DR1: variants seen among roughly 807,000 people sequenced by gnomAD.
DR1 encodes the protein protein Dr1.
In DR1, 7 loss-of-function variants were observed where a neutral mutation model predicts 19.9. The observed-to-expected ratio is 0.35, with a 90% CI of 0.20 to 0.66. The LOEUF (loss-of-function observed/expected upper bound fraction) is 0.66, where lower values mean the gene tolerates loss of function less well. DR1 is among the 30% of genes least tolerant of loss of function. DR1 has a pLI of 0.66. For synonymous variants in DR1, 76 were observed against 72.5 expected (o/e 1.05, Z -0.24); for missense variants, 98 against 203.7 (o/e 0.48, Z 3.16).
rs1667201950 is a variant in DR1, at chr1:93,368,968, C to G, written c.*8329C>G. 6.6e-6 allele frequency: 1 copy of G among 151,644 alleles called. No individual in the cohort carries two copies. Among genetic ancestry groups the G allele is most frequent in the Non-Finnish European group, 1.5e-5 (1 of 67,880 alleles). The allele number at this position is 151,644 out of a possible 1,614,324, so 9.4% of individuals were successfully genotyped here. On this transcript the variant is annotated 3_prime_UTR_variant, in exon 3 of 3. Transcript: ENST00000370272. ...GGATTGAAAACATTTGGGGAAAAAA[C>G]AAAAAATAACCCAACAATGAAATAG...
rs1666830495 is a variant in DR1 at position 93,346,117 on chromosome 1, A to T, written c.-529A>T. On this transcript the variant is annotated 5_prime_UTR_variant, in exon 1 of 3. It removes an upstream start codon present in the reference 5' UTR. Coordinates refer to ENST00000370272, the MANE Select transcript of DR1 (RefSeq NM_001938.3). ...GGCAGCGGCAGCGGCAGCGGCGGAC[A>T]TGTTGTGAGGCGGCGGCGCGGGTGT... The T allele has an allele frequency of 4.7e-6, 1 of 213,692 alleles. No individual in the cohort carries two copies. Among genetic ancestry groups the T allele is most frequent in the Admixed American group, 6.0e-5 (1 of 16,726 alleles). The allele number at this position is 213,692 out of a possible 1,614,324, so 13.2% of individuals were successfully genotyped here.
chr1:93,346,132 G>C lies in DR1; in HGVS notation c.-514G>C, dbSNP rs975149711. The C allele has an allele frequency of 8.8e-6, 2 of 227,098 alleles. No homozygotes were observed. Among genetic ancestry groups the C allele is most frequent in the East Asian group, 3.3e-4 (2 of 6,084 alleles). The allele number at this position is 227,098 out of a possible 1,614,324, so 14.1% of individuals were successfully genotyped here. ...AGCGGCGGACATGTTGTGAGGCGGC[G>C]GCGCGGGTGTCTGAAGGATGGTTTG... On this transcript the variant is annotated 5_prime_UTR_variant, in exon 1 of 3. Coordinates refer to ENST00000370272, the MANE Select transcript of DR1 (RefSeq NM_001938.3).
At chr1:93,357,700 C>T (rs1667006001) in intron 2 of DR1, among the ~76,000 whole-genome samples, 1 of 151,690 alleles carries the variant, frequency 6.6e-6, no homozygotes, top group Non-Finnish European at 1.5e-5. Flanking sequence ...TTAATGTAGA[C>T]CTCTTCCTTT....
In DR1 at chr1:93,360,794, G is replaced by C. The variant is rs754758914; in HGVS notation, c.*155G>C. On this transcript the variant is annotated 3_prime_UTR_variant, in exon 3 of 3. Coordinates refer to ENST00000370272, the MANE Select transcript of DR1 (RefSeq NM_001938.3). ...TGCTATTAAGTTTCATCTATTGTGT[G>C]CTATACATGTAAAAACTGTCTCTTT... is the stretch of plus-strand genomic sequence containing the variant. 6.5e-6 allele frequency: 5 copies of C among 774,336 alleles called. No homozygotes were observed. The highest frequency in any genetic ancestry group is 9.8e-6 in the Non-Finnish European group (5 of 511,030). The allele number at this position is 774,336 out of a possible 1,614,324, so 48.0% of individuals were successfully genotyped here. A position where few individuals can be genotyped will look rare whatever the true frequency, so the allele number is the denominator to read the frequency against.
intron 2 of DR1, among the ~76,000 whole-genome samples, chr1:93,357,086 T>G (rs1400380724): frequency 6.6e-6 from 1 of 152,206 alleles, no homozygotes. Context: ...GCCGTAAAAG[T>G]AAATATGCTA....
chr1:93,353,808 C>A, intron 1 of DR1, 100 bp from the exon 2 acceptor site: 1 of 893,170 alleles, frequency 1.1e-6, no homozygotes, highest in South Asian at 2.6e-5. Context: ...CAAAACATTC[C>A]CCTCCCCCAA....
intron 2 of DR1, among the ~76,000 whole-genome samples, chr1:93,358,401 C>T (rs916440170): frequency 6.6e-6 from 1 of 152,118 alleles, no homozygotes; most frequent in African/African-American, 2.4e-5. Context: ...CTTTCAGTTC[C>T]TTTGAACAAC....
At position 93,360,702 on chromosome 1, in the gene DR1, A is replaced by G; in HGVS notation, c.*63A>G. On this transcript the variant is annotated 3_prime_UTR_variant, in exon 3 of 3. Coordinates refer to ENST00000370272, the MANE Select transcript of DR1 (RefSeq NM_001938.3). The stretch of plus-strand genomic sequence containing the variant: ...TTTTCCCTGCACAACAAAAACAGTG[A>G]AAGAAATGCTTATCTGTAATTTTGT... 6.5e-7 allele frequency: 1 copy of G among 1,539,368 alleles called. No individual in the cohort carries two copies. The highest frequency in any genetic ancestry group is 1.3e-5 in the South Asian group (1 of 79,700).
Position 93,346,177 on chromosome 1 carries a change from C to A in DR1, c.-469C>A. 1 of 226,598 alleles carries A rather than the reference C, an allele frequency of 4.4e-6. No homozygotes were observed. The highest frequency in any genetic ancestry group is 8.7e-6 in the Non-Finnish European group (1 of 114,782). 14.0% of individuals were successfully genotyped at this position (226,598 alleles called of 1,614,324 possible). A position where few individuals can be genotyped will look rare whatever the true frequency, so the allele number is the denominator to read the frequency against. ...GGTTTGGCCGAGGCGGCGGCAACGG[C>A]TGCTGGCGGCGGCGGCAGCGGCAGC... is the stretch of plus-strand genomic sequence containing the variant. On this transcript the variant is annotated 5_prime_UTR_variant, in exon 1 of 3. In the 5' UTR this introduces an upstream ATG that the reference lacks. Coordinates refer to ENST00000370272, the MANE Select transcript of DR1 (RefSeq NM_001938.3).
chr1:93,360,204 C>T (rs1003191182), intron 2 of DR1, among the ~76,000 whole-genome samples: 9 of 152,074 alleles, frequency 5.9e-5, no homozygotes, highest in African/African-American at 2.2e-4. Flanking sequence ...TTTTCAACTT[C>T]TTCAGTTGAA....
chr1:93,362,856 G>A lies in DR1; in HGVS notation c.*2217G>A, dbSNP rs1204319014. On this transcript the variant is annotated 3_prime_UTR_variant, in exon 3 of 3. Coordinates refer to ENST00000370272, the MANE Select transcript of DR1 (RefSeq NM_001938.3). ...TTTTTTTTTTTTTTTTTTTTTTTTA[G>A]CATTTAAGAGTCACTATTATGTTTT... 34 of 23,088 alleles carry A rather than the reference G, an allele frequency of 1.5e-3. 1 individual carries two copies. Among genetic ancestry groups the A allele is most frequent in the Non-Finnish European group, 2.9e-3 (32 of 10,954 alleles). The allele number at this position is 23,088 out of a possible 1,614,324, so 1.4% of individuals were successfully genotyped here. A position where few individuals can be genotyped will look rare whatever the true frequency, so the allele number is the denominator to read the frequency against.
At position 93,361,045 on chromosome 1, in the gene DR1, G is replaced by C. The variant is rs74104014; in HGVS notation, c.*406G>C. 9.5e-4 allele frequency: 155 copies of C among 163,994 alleles called. 1 individual carries two copies. Among genetic ancestry groups the C allele is most frequent in the African/African-American group, 3.4e-3 (142 of 41,304 alleles). 10.2% of individuals were successfully genotyped at this position (163,994 alleles called of 1,614,324 possible). On this transcript the variant is annotated 3_prime_UTR_variant, in exon 3 of 3. Coordinates refer to ENST00000370272, the MANE Select transcript of DR1 (RefSeq NM_001938.3). The stretch of plus-strand genomic sequence containing the variant: ...AACTTGTGAATTTTAAATTATTAAG[G>C]GGGGGGTGCTGTGTGAATCAGTAGA...
In DR1 at chr1:93,361,883, A is replaced by C. The variant is rs1251114658; in HGVS notation, c.*1244A>C. The C allele has an allele frequency of 6.6e-6, 1 of 152,542 alleles. No homozygotes were observed. The highest frequency in any genetic ancestry group is 1.5e-5 in the Non-Finnish European group (1 of 67,922). The allele number at this position is 152,542 out of a possible 1,614,324, so 9.4% of individuals were successfully genotyped here. On this transcript the variant is annotated 3_prime_UTR_variant, in exon 3 of 3. Transcript: ENST00000370272. ...AGAAGCTTTAATTTGGTTCTAATAA[A>C]TACAGTATGGTAGTGTTTATAGGAA... is the stretch of plus-strand genomic sequence containing the variant.
chr1:93,346,497 G>GCT lies in DR1; in HGVS notation c.-148_-147dup. The GCT allele has an allele frequency of 1.6e-6, 1 of 636,418 alleles. No homozygotes were observed. The highest frequency in any genetic ancestry group is 2.7e-6 in the Non-Finnish European group (1 of 364,820). 39.4% of individuals were successfully genotyped at this position (636,418 alleles called of 1,614,324 possible). A position where few individuals can be genotyped will look rare whatever the true frequency, so the allele number is the denominator to read the frequency against. The stretch of plus-strand genomic sequence containing the variant: ...GCGAGTGTTCCCAGCCCTCAAGCCA[G>GCT]CTGCTCCTCCGTTCATTTTCTGCAC... On this transcript the variant is annotated 5_prime_UTR_variant, in exon 1 of 3. Transcript: ENST00000370272.
In DR1 at chr1:93,362,783, A is replaced by G. The variant is rs1384243317; in HGVS notation, c.*2144A>G. ...TAATTTACAGTCCTAAGATCGAGGC[A>G]TAACAAAGCTTACTTATGCAATATT... On this transcript the variant is annotated 3_prime_UTR_variant, in exon 3 of 3. Transcript: ENST00000370272. The G allele has an allele frequency of 6.8e-6, 1 of 147,328 alleles. No homozygotes were observed. Among genetic ancestry groups the G allele is most frequent in the Non-Finnish European group, 1.5e-5 (1 of 67,176 alleles). The allele number at this position is 147,328 out of a possible 1,614,324, so 9.1% of individuals were successfully genotyped here. A position where few individuals can be genotyped will look rare whatever the true frequency, so the allele number is the denominator to read the frequency against.
intron 1 of DR1, among the ~76,000 whole-genome samples, chr1:93,351,592 C>T (rs1293512278): frequency 3.3e-5 from 5 of 151,822 alleles, no homozygotes; most frequent in East Asian, 1.9e-4. Context: ...TGTGCCACCA[C>T]GCCTGGCTAA....
In DR1 at chr1:93,354,159, G is replaced by A. The variant is rs999884557; in HGVS notation, c.384+88G>A. On this transcript the variant is annotated intron_variant, in intron 2 of 2. Transcript: ENST00000370272. ...TCCTAAATTAACAGACATACCCAGAGGATTCCCTTTTTCTAGGTAGTTGAT... is the reference window on the plus strand; with the variant it reads ...TCCTAAATTAACAGACATACCCAGAAGATTCCCTTTTTCTAGGTAGTTGAT... 4.6e-6 allele frequency: 6 copies of A among 1,313,626 alleles called. No individual in the cohort carries two copies. In the African/African-American group the frequency reaches 6.0e-5, roughly 13 times the overall value. The allele number at this position is 1,313,626 out of a possible 1,614,324, so 81.4% of individuals were successfully genotyped here. A position where few individuals can be genotyped will look rare whatever the true frequency, so the allele number is the denominator to read the frequency against.
chr1:93,358,799 C>T (rs549322169), intron 2 of DR1, among the ~76,000 whole-genome samples: 4 of 152,250 alleles, frequency 2.6e-5, no homozygotes, highest in South Asian at 2.1e-4. Context: ...AACAATTCTT[C>T]GTATTAAATT....
At position 93,353,972 on chromosome 1, in the gene DR1, A is replaced by G. The variant is rs745964759; in HGVS notation, c.285A>G (p.Lys95=). 1.2e-6 allele frequency: 2 copies of G among 1,613,924 alleles called. No individual in the cohort carries two copies. The part of the protein sequence containing the change: ...SEVKEVLQEC[K]TVALKRRKAS... ...TAAAAGAAGTCTTGCAAGAGTGTAA[A>G]ACAGTAGCATTAAAAAGAAGAAAGG... Residue 95 remains lysine, a synonymous_variant, in exon 2 of 3, where the codon AAA becomes AAG. Coordinates refer to ENST00000370272, the MANE Select transcript of DR1 (RefSeq NM_001938.3).
Sources: allele counts gnomAD v4.1 joint callset (sites outside exome capture counted in the v4.1 genomes callset), GRCh38; gene constraint gnomAD v4.1.1; transcripts MANE v1.5; gene names NCBI Gene and HGNC (gene_info 2026-07-23, HGNC 2026-07-21).